Variants in FBXL20 observed in about 807,000 individuals in gnomAD.
FBXL20 encodes the protein F-box/LRR-repeat protein 20.
Under a neutral mutation model 64.0 loss-of-function variants are expected in FBXL20, and 11 were observed. The observed-to-expected ratio is 0.17, with a 90% CI of 0.11 to 0.28. The LOEUF (loss-of-function observed/expected upper bound fraction) is 0.28, where lower values mean the gene tolerates loss of function less well. Ranked by LOEUF, FBXL20 falls within the 10% of genes least tolerant of loss-of-function variation. The pLI, the probability that FBXL20 is intolerant of heterozygous loss-of-function variation, is 1.00. For synonymous variants in FBXL20, 184 were observed against 189.0 expected (o/e 0.97, Z 0.22); for missense variants, 303 against 526.2 (o/e 0.58, Z 4.15).
chr17:39,308,873 A>T (rs1249710427), intron 2 of FBXL20, among the ~76,000 whole-genome samples: 1 of 152,030 alleles, frequency 6.6e-6, no homozygotes, highest in Non-Finnish European at 1.5e-5. Flanking sequence ...CCTACAATAA[A>T]AAATTTTTTA....
intron 11 of FBXL20, 43 bp from the exon 12 acceptor site, chr17:39,268,914 T>C (rs2144350295): frequency 1.3e-6 from 2 of 1,554,884 alleles, no homozygotes; most frequent in South Asian, 2.3e-5. Context: ...AGTACAAACA[T>C]TTAAAACATG....
intron 2 of FBXL20, among the ~76,000 whole-genome samples, chr17:39,314,756 G>A (rs68055032): frequency 0.1 from 15,427 of 151,066 alleles, 857 homozygotes; most frequent in African/African-American, 0.15. Context: ...ACATTCTCAC[G>A]AGCAGTTTGT....
chr17:39,252,746 T>C lies in FBXL20; in HGVS notation c.*8714A>G, dbSNP rs1025813801. 2.7e-5 allele frequency: 4 copies of C among 150,660 alleles called. No individual in the cohort carries two copies. Among genetic ancestry groups the C allele is most frequent in the African/African-American group, 9.7e-5 (4 of 41,088 alleles). The allele number at this position is 150,660 out of a possible 1,614,324, so 9.3% of individuals were successfully genotyped here. A position where few individuals can be genotyped will look rare whatever the true frequency, so the allele number is the denominator to read the frequency against. ...ATAATAGTTACATAACAATTTACTTTATATATTTATATATAAAAAACTTTT... is the reference window on the plus strand; with the variant it reads ...ATAATAGTTACATAACAATTTACTTCATATATTTATATATAAAAAACTTTT... On this transcript the variant is annotated 3_prime_UTR_variant, in exon 15 of 15. Transcript: ENST00000264658.
chr17:39,276,398 T>G (rs1165841843), intron 9 of FBXL20, among the ~76,000 whole-genome samples: 1 of 147,410 alleles, frequency 6.8e-6, no homozygotes, highest in African/African-American at 2.5e-5. Flanking sequence ...AGGCCGGGCA[T>G]GGTGGCTCAA....
chr17:39,361,510 G>A (rs778378029), intron 1 of FBXL20, among the ~76,000 whole-genome samples: 9 of 152,098 alleles, frequency 5.9e-5, no homozygotes, highest in Non-Finnish European at 1.3e-4. Flanking sequence ...AAGAAGAAAT[G>A]TTTTTGGTCA....
intron 2 of FBXL20, among the ~76,000 whole-genome samples, chr17:39,303,945 G>C (rs916474069): frequency 1.3e-5 from 2 of 152,102 alleles, no homozygotes; most frequent in African/African-American, 4.8e-5. Flanking sequence ...CAAATTGCTA[G>C]GATTACAGGT....
Position 39,256,293 on chromosome 17 carries a change from C to G in FBXL20, c.*5167G>C, listed in dbSNP as rs965760696. On this transcript the variant is annotated 3_prime_UTR_variant, in exon 15 of 15. Coordinates refer to ENST00000264658, the MANE Select transcript of FBXL20 (RefSeq NM_032875.3). ...CTGAGATTGTGCCATGGCACTCCAA[C>G]CTGGGTGACAGAGCGAGACTCCATG... 2.8e-5 allele frequency: 4 copies of G among 140,894 alleles called. No homozygotes were observed. Among genetic ancestry groups the G allele is most frequent in the Non-Finnish European group, 4.5e-5 (3 of 66,604 alleles). The allele number at this position is 140,894 out of a possible 1,614,324, so 8.7% of individuals were successfully genotyped here.
chr17:39,361,855 T>TGGG (rs2047798051), intron 1 of FBXL20, among the ~76,000 whole-genome samples: 1 of 151,568 alleles, frequency 6.6e-6, no homozygotes. Context: ...CCCAGCACTT[T>TGGG]ACAAGGCTGA....
chr17:39,327,006 G>A (rs1249120813), intron 2 of FBXL20, among the ~76,000 whole-genome samples: 1 of 150,708 alleles, frequency 6.6e-6, no homozygotes, highest in Non-Finnish European at 1.5e-5. Context: ...TCAGCCTCCC[G>A]AATAGCTGGG....
intron 2 of FBXL20, among the ~76,000 whole-genome samples, chr17:39,326,308 A>T (rs945513285): frequency 3.3e-5 from 5 of 152,164 alleles, no homozygotes; most frequent in Non-Finnish European, 7.4e-5. Flanking sequence ...AAAATAAATG[A>T]GTAAAACAAA....
Position 39,259,398 on chromosome 17 carries a change from T to C in FBXL20, c.*2062A>G, listed in dbSNP as rs892944482. 2.0e-5 allele frequency: 3 copies of C among 152,186 alleles called. No individual in the cohort carries two copies. The highest frequency in any genetic ancestry group is 7.2e-5 in the African/African-American group (3 of 41,436). 9.4% of individuals were successfully genotyped at this position (152,186 alleles called of 1,614,324 possible). A position where few individuals can be genotyped will look rare whatever the true frequency, so the allele number is the denominator to read the frequency against. On this transcript the variant is annotated 3_prime_UTR_variant, in exon 15 of 15. Transcript: ENST00000264658. ...TTATGATGGATTGCACATTAATGTCTCAAAGGACACCCCCCGCCAAAATCA... is the reference window on the plus strand; with the variant it reads ...TTATGATGGATTGCACATTAATGTCCCAAAGGACACCCCCCGCCAAAATCA...
intron 1 of FBXL20, among the ~76,000 whole-genome samples, chr17:39,384,275 C>G (rs1438276287): frequency 1.3e-5 from 2 of 152,082 alleles, no homozygotes; most frequent in Non-Finnish European, 2.9e-5. Context: ...CGCCTGTAAT[C>G]TCAGCACTTT....
At chr17:39,277,438 G>A (rs1047408116) in intron 9 of FBXL20, among the ~76,000 whole-genome samples, 1 of 152,164 alleles carries the variant, frequency 6.6e-6, no homozygotes, top group Non-Finnish European at 1.5e-5. Flanking sequence ...GAAGAAAGAT[G>A]AGTTAAGTCA....
In FBXL20 at chr17:39,264,616, T is replaced by A. The variant is rs574512552; in HGVS notation, c.991-229A>T. On this transcript the variant is annotated intron_variant, in intron 13 of 14. Transcript: ENST00000264658. Reference sequence around the variant, plus strand: ...ATTCTAAATATATTTTATAAATTCATGTAATGACTATGAAGTAGTTCATAA... The same window carrying A: ...ATTCTAAATATATTTTATAAATTCAAGTAATGACTATGAAGTAGTTCATAA... Among the ~76,000 whole-genome samples, 4 of 152,348 alleles carry A rather than the reference T, an allele frequency of 2.6e-5. No individual in the cohort carries two copies. In the South Asian group the frequency reaches 8.3e-4, roughly 32 times the overall value.
chr17:39,351,791 A>G (rs1036720004), intron 1 of FBXL20, among the ~76,000 whole-genome samples: 8 of 152,192 alleles, frequency 5.3e-5, no homozygotes, highest in African/African-American at 7.2e-5. Context: ...TCAAAGGACA[A>G]TATCACCTAA....
intron 1 of FBXL20, among the ~76,000 whole-genome samples, chr17:39,392,843 T>C (rs1793596913): frequency 2.6e-5 from 4 of 151,634 alleles, no homozygotes; most frequent in African/African-American, 7.3e-5. Flanking sequence ...TGAAATCCCA[T>C]CTCTACAAAA....
rs571528752 is a variant in FBXL20 at position 39,396,783 on chromosome 17, G to A, written c.42+4578C>T. Among the ~76,000 whole-genome samples the A allele has an allele frequency of 1.3e-4, 20 of 151,058 alleles. No individual in the cohort carries two copies. The East Asian group carries it at 3.4e-3, about 25-fold the overall frequency. ...ATCCTGGCTAACACGGTGAAACCCC[G>A]TCTCTACTAAAAATACAAAAAAAAT... On this transcript the variant is annotated intron_variant, in intron 1 of 14. Transcript: ENST00000264658.
chr17:39,316,610 G>A (rs1053524152), intron 2 of FBXL20, among the ~76,000 whole-genome samples: 4 of 152,178 alleles, frequency 2.6e-5, no homozygotes, highest in African/African-American at 9.7e-5. Context: ...GAAAACAAAC[G>A]AGAGCAATGA....
At chr17:39,275,222 C>A in intron 9 of FBXL20, 122 bp from the exon 10 acceptor site, 1 of 997,686 alleles carries the variant, frequency 1.0e-6, no homozygotes, top group Non-Finnish European at 1.4e-6. Context: ...TTAACACATT[C>A]ATCAGATAGC....
Sources: allele counts gnomAD v4.1 joint callset (sites outside exome capture counted in the v4.1 genomes callset), GRCh38; gene constraint gnomAD v4.1.1; transcripts MANE v1.5; gene names NCBI Gene and HGNC (gene_info 2026-07-23, HGNC 2026-07-21).